Variants in TENM2 observed in about 807,000 individuals in gnomAD.
TENM2 encodes teneurin-2.
In TENM2, 52 loss-of-function variants were observed where a neutral mutation model predicts 245.2. The ratio of observed to expected loss-of-function variants is 0.21; its 90% CI spans 0.17 to 0.27. TENM2 has a LOEUF of 0.27. Among genes scored for constraint, TENM2 ranks in the 10% least tolerant of loss-of-function variants. The pLI is 1.00. For missense variants in TENM2, 3,046 were observed against 3,666.8 expected, an observed-to-expected ratio of 0.83 and a Z score of 4.37; for synonymous variants, 1,363 against 1,438.9, an observed-to-expected ratio of 0.95 and a Z score of 1.19.
intron 2 of TENM2, among the ~76,000 whole-genome samples, chr5:167,437,161 A>AG (rs1457478293): frequency 2.6e-5 from 4 of 152,128 alleles, no homozygotes; most frequent in African/African-American, 9.7e-5. Flanking sequence ...AGCAGCCAGG[A>AG]GGGGGGCTAT....
chr5:167,193,561 A>C, the TENM2 span, among the ~76,000 whole-genome samples: 3 of 152,002 alleles, frequency 2.0e-5, no homozygotes, highest in Non-Finnish European at 4.4e-5. Context: ...TTTTACATAA[A>C]AATTCCTTTA....
intron 3 of TENM2, among the ~76,000 whole-genome samples, chr5:167,898,598 A>T (rs1775436169): frequency 6.6e-6 from 1 of 152,192 alleles, no homozygotes; most frequent in African/African-American, 2.4e-5. Flanking sequence ...AGCAAGTGTA[A>T]GAGGAGCTGG....
chr5:168,016,898 G>A (rs1785704690), intron 5 of TENM2, among the ~76,000 whole-genome samples: 1 of 152,218 alleles, frequency 6.6e-6, no homozygotes, highest in South Asian at 2.1e-4. Flanking sequence ...TGTATGCACA[G>A]CTTTTTGCAA....
At chr5:167,049,828 A>AT in the TENM2 span, among the ~76,000 whole-genome samples, 3 of 151,874 alleles carry the variant, frequency 2.0e-5, no homozygotes, top group Non-Finnish European at 4.4e-5. Context: ...ATATAGATAT[A>AT]TTTTTTTTCA....
the TENM2 span, among the ~76,000 whole-genome samples, chr5:167,051,870 G>T: frequency 2.6e-4 from 40 of 152,028 alleles, no homozygotes; most frequent in Non-Finnish European, 2.9e-5. Flanking sequence ...CTTTCATATT[G>T]CAGATATCAA....
At chr5:167,297,810 T>C (rs1188178318) in intron 1 of TENM2, among the ~76,000 whole-genome samples, 1 of 151,884 alleles carries the variant, frequency 6.6e-6, no homozygotes, top group Non-Finnish European at 1.5e-5. Context: ...GGGGGGTTGT[T>C]CTCTGGTGGG....
intron 2 of TENM2, among the ~76,000 whole-genome samples, chr5:167,812,747 A>G (rs997111164): frequency 8.5e-5 from 13 of 152,178 alleles, no homozygotes; most frequent in African/African-American, 1.2e-4. Flanking sequence ...AGCCAAGGAG[A>G]ACCATCTTTC....
intron 2 of TENM2, among the ~76,000 whole-genome samples, chr5:167,579,075 T>A (rs1417813716): frequency 6.6e-6 from 1 of 152,224 alleles, no homozygotes; most frequent in Admixed American, 6.5e-5. Flanking sequence ...TTGTTCCATT[T>A]ACTTTTCCAA....
intron 5 of TENM2, among the ~76,000 whole-genome samples, chr5:168,004,872 G>T (rs1784704340): frequency 2.6e-5 from 4 of 152,002 alleles, no homozygotes; most frequent in African/African-American, 4.8e-5. Context: ...CAATAATAAA[G>T]TTAATTTCAT....
rs192129771 is a variant in TENM2 at position 168,035,429 on chromosome 5, G to A, written c.1187-11998G>A. Among the ~76,000 whole-genome samples, 676 of 151,004 alleles carry A rather than the reference G, an allele frequency of 4.5e-3. 3 individuals carry two copies. The highest frequency in any genetic ancestry group is 0.016 in the African/African-American group (650 of 41,010). ...TGAGAATCCCTTGAACCTGGGAGGC[G>A]CAGTTTGCAGTGAACTGAGATAGAG... On this transcript the variant is annotated intron_variant, in intron 5 of 28. Transcript: ENST00000518659.
chr5:167,825,829 A>G (rs528233115), intron 2 of TENM2, among the ~76,000 whole-genome samples: 1 of 151,374 alleles, frequency 6.6e-6, no homozygotes, highest in Non-Finnish European at 1.5e-5. Context: ...GGATAGTAAT[A>G]CTTCTCAGCT....
Position 168,258,433 on chromosome 5 carries a change from G to A in TENM2, c.7433-1850G>A, listed in dbSNP as rs147035503. Among the ~76,000 whole-genome samples, 1,465 of 152,200 alleles carry A rather than the reference G, an allele frequency of 9.6e-3. 19 individuals carry two copies. Among genetic ancestry groups the A allele is most frequent in the African/African-American group, 0.031 (1,306 of 41,528 alleles). On this transcript the variant is annotated intron_variant, in intron 27 of 28. Coordinates refer to ENST00000518659, the Ensembl canonical transcript of TENM2. ...AGGGAATCACTTGAACCCAGGAGGC[G>A]GAGGTTGCAGTGAGCCGAAATCGCG... is the stretch of plus-strand genomic sequence containing the variant.
rs150885669 is a variant in TENM2, at chr5:167,608,570, G to A, written c.502+233097G>A. ...TAAATCGGGGGGCACTTTCGGCAGC[G>A]CCGACATCCCCTCTCCATCACTCCT... On this transcript the variant is annotated intron_variant, in intron 2 of 28. Coordinates refer to ENST00000518659, the Ensembl canonical transcript of TENM2. Among the ~76,000 whole-genome samples, 208 of 152,298 alleles carry A rather than the reference G, an allele frequency of 1.4e-3. 2 individuals carry two copies. The highest frequency in any genetic ancestry group is 4.6e-3 in the African/African-American group (190 of 41,574).
In TENM2 at chr5:168,237,703, C is replaced by T. The variant is rs115390190; in HGVS notation, c.5521-6717C>T. Among the ~76,000 whole-genome samples the T allele has an allele frequency of 8.2e-3, 1,243 of 151,916 alleles. 23 individuals carry two copies. The highest frequency in any genetic ancestry group is 0.029 in the African/African-American group (1,191 of 41,432). Reference sequence around the variant, plus strand: ...TATTTAATGTGTTTGCAGAGGCTTACCCTTCTAATGATGCATTATTTAATT... The same window carrying T: ...TATTTAATGTGTTTGCAGAGGCTTATCCTTCTAATGATGCATTATTTAATT... On this transcript the variant is annotated intron_variant, in intron 25 of 28. Transcript: ENST00000518659.
chr5:167,515,669 G>A lies in TENM2; in HGVS notation c.502+140196G>A, dbSNP rs201476921. Among the ~76,000 whole-genome samples, 383 of 78,040 alleles carry A rather than the reference G, an allele frequency of 4.9e-3. 4 individuals carry two copies. The highest frequency in any genetic ancestry group is 0.017 in the African/African-American group (307 of 18,238). The allele number at this position is 78,040 out of a possible 152,430, so 51.2% of individuals were successfully genotyped here. On this transcript the variant is annotated intron_variant, in intron 2 of 28. Transcript: ENST00000518659. The stretch of plus-strand genomic sequence containing the variant: ...TATATACACATATATACGTATATAT[G>A]TGTATATATATTTTGAGAGGGAGTC...
the TENM2 span, among the ~76,000 whole-genome samples, chr5:167,041,577 T>A: frequency 4.6e-5 from 7 of 152,216 alleles, no homozygotes; most frequent in African/African-American, 1.7e-4. Flanking sequence ...ACAATTTAGC[T>A]TTAATAAAAG....
At chr5:167,388,707 T>A (rs1761589100) in intron 2 of TENM2, among the ~76,000 whole-genome samples, 1 of 152,008 alleles carries the variant, frequency 6.6e-6, no homozygotes, top group African/African-American at 2.4e-5. Flanking sequence ...TTGTGTCAGG[T>A]CATTCAGTTC....
At chr5:167,776,787 C>T (rs1014535398) in intron 2 of TENM2, among the ~76,000 whole-genome samples, 3 of 151,654 alleles carry the variant, frequency 2.0e-5, no homozygotes, top group Admixed American at 1.3e-4. Flanking sequence ...TTTTCTATTT[C>T]GGTTCTTTAA....
At chr5:167,740,216 T>C (rs185692432) in intron 2 of TENM2, among the ~76,000 whole-genome samples, 1 of 152,346 alleles carries the variant, frequency 6.6e-6, no homozygotes, top group East Asian at 1.9e-4. Context: ...TATATGTCTT[T>C]GCTTTTCCAG....
Sources: gnomAD v4.1 joint callset for allele counts (sites outside exome capture counted in the v4.1 genomes callset) on GRCh38, gnomAD v4.1.1 for gene constraint, MANE v1.5 for transcripts, NCBI Gene and HGNC (gene_info 2026-07-23, HGNC 2026-07-21) for gene names.